The following TOE1 variants were observed in gnomAD, a reference collection of about 807,000 sequenced individuals.
TOE1 encodes the protein target of EGR1, exonuclease.
Under a neutral mutation model 49.2 loss-of-function variants are expected in TOE1, and 50 were observed. That is an observed-to-expected ratio of 1.02 (90% confidence interval 0.81 to 1.29). The LOEUF (loss-of-function observed/expected upper bound fraction) is 1.29. TOE1 is among the 50% of genes most tolerant of loss of function. The pLI, the probability that TOE1 is intolerant of heterozygous loss-of-function variation, is 0.00. For synonymous variants in TOE1, 221 were observed against 247.0 expected (o/e 0.89, Z 0.99); for missense variants, 544 against 654.4 (o/e 0.83, Z 1.84).
chr1:45,341,376 C>T lies in TOE1; in HGVS notation c.236+33C>T, dbSNP rs1450440105. On this transcript the variant is annotated intron_variant, in intron 3 of 7. Transcript: ENST00000372090. ...TAAGCCCTTTTCTCTTTAGTGCCAG[C>T]CCTCAACTGTGGAGTGGGGGGGTCA... The T allele has an allele frequency of 6.2e-6, 10 of 1,613,998 alleles. 1 individual carries two copies. In the South Asian group the frequency reaches 8.8e-5, roughly 14 times the overall value.
At position 45,343,792 on chromosome 1, in the gene TOE1, G is replaced by A; in HGVS notation, c.*90G>A. On this transcript the variant is annotated 3_prime_UTR_variant, in exon 8 of 8. Coordinates refer to ENST00000372090, the MANE Select transcript of TOE1 (RefSeq NM_025077.4). The surrounding 1 kb of genome is among the most constrained non-coding windows in gnomAD (Gnocchi z 4.3). ...ATCCTCAACTGCTACTGAGTTTAGG[G>A]GAGGGGGAATGTCTTGACAGACATC... The A allele has an allele frequency of 6.9e-7, 1 of 1,445,648 alleles. No individual in the cohort carries two copies. The highest frequency in any genetic ancestry group is 1.8e-4 in the Middle Eastern group (1 of 5,498). The allele number at this position is 1,445,648 out of a possible 1,614,324, so 89.6% of individuals were successfully genotyped here. A position where few individuals can be genotyped will look rare whatever the true frequency, so the allele number is the denominator to read the frequency against.
At chr1:45,341,012 G>A (rs753948475) in intron 1 of TOE1, 61 bp from the exon 2 acceptor site, 7 of 1,608,366 alleles carry the variant, frequency 4.4e-6, no homozygotes, top group South Asian at 3.3e-5. Flanking sequence ...GCCTAGCTTG[G>A]TGTCTGTTCC....
intron 1 of TOE1, among the ~76,000 whole-genome samples, chr1:45,340,728 G>A (rs1203388925): frequency 6.6e-6 from 1 of 152,146 alleles, no homozygotes; most frequent in Non-Finnish European, 1.5e-5. Flanking sequence ...GATATTAAGG[G>A]AGCTGAGATC....
rs148784816 is a variant in TOE1 at position 45,341,497 on chromosome 1, C to G, written c.261C>G (p.Ala87=). The G allele has an allele frequency of 3.1e-6, 5 of 1,613,896 alleles. No homozygotes were observed. The highest frequency in any genetic ancestry group is 4.2e-6 in the Non-Finnish European group (5 of 1,180,028). Residue 87 remains alanine, a synonymous_variant, in exon 4 of 8, where the codon GCC becomes GCG. Coordinates refer to ENST00000372090, the MANE Select transcript of TOE1 (RefSeq NM_025077.4). ...LNQCIEERYK[A]VCHAARTRSI... ...GGTGCATTGAGGAACGTTACAAGGC[C>G]GTGTGTCATGCTGCCAGGACCCGTT...
chr1:45,341,382 A>G (rs78721118), intron 3 of TOE1, 39 bp downstream of exon 3: 4 of 1,614,054 alleles, frequency 2.5e-6, no homozygotes, highest in Admixed American at 1.7e-5. Flanking sequence ...CCAGCCCTCA[A>G]CTGTGGAGTG....
At chr1:45,341,745 T>C (rs1441693244) in intron 4 of TOE1, among the ~76,000 whole-genome samples, 176 bp downstream of exon 4, 1 of 151,806 alleles carries the variant, frequency 6.6e-6, no homozygotes, top group African/African-American at 2.4e-5. Flanking sequence ...GTTAAATGAG[T>C]AAGTTCTTTA....
Position 45,343,325 on chromosome 1 carries a change from G to A in TOE1, c.1156G>A (p.Ala386Thr). 1 of 1,614,092 alleles carries A rather than the reference G, an allele frequency of 6.2e-7. No homozygotes were observed. Among genetic ancestry groups the A allele is most frequent in the Non-Finnish European group, 8.5e-7 (1 of 1,180,028 alleles). The change falls in exon 8 of 8, where the codon GCC (alanine) becomes ACC (threonine). Residue 386 changes from alanine (A) to threonine (T), a missense_variant. Ala to Thr is a moderately conservative substitution (Grantham distance 58). Coordinates refer to ENST00000372090, the MANE Select transcript of TOE1 (RefSeq NM_025077.4). This position sits in a 1 kb window ranked among gnomAD's most constrained non-coding sequence, Gnocchi z 4.3. ...KPEETEQEVA[A>T]DETRNLPHSK... The stretch of plus-strand genomic sequence containing the variant: ...TGAAGAAACCGAGCAGGAGGTGGCT[G>A]CCGATGAAACTAGGAACCTGCCTCA...
chr1:45,342,665 A>T, intron 6 of TOE1, 22 bp downstream of exon 6: 2 of 1,612,390 alleles, frequency 1.2e-6, no homozygotes, highest in East Asian at 2.2e-5. Context: ...GTTGAGGGAA[A>T]GGGGTGGGGC....
chr1:45,343,188 G>C lies in TOE1; in HGVS notation c.1019G>C (p.Arg340Pro). ...AAAEDKRRRR[R>P]RREKRKRALL... ...GCAGAGGACAAGCGGCGACGGCGAC[G>C]ACGTAGGGAAAAACGGAAGAGGGCT... The change falls in exon 8 of 8, where the codon CGA (arginine) becomes CCA (proline). Residue 340 changes from arginine to proline, a missense_variant. Transcript: ENST00000372090. This position sits in a 1 kb window ranked among gnomAD's most constrained non-coding sequence, Gnocchi z 4.3. The C allele has an allele frequency of 6.2e-7, 1 of 1,613,910 alleles. No homozygotes were observed. The highest frequency in any genetic ancestry group is 8.5e-7 in the Non-Finnish European group (1 of 1,180,000).
In TOE1 at chr1:45,341,562, C is replaced by T. The variant is rs1199296680; in HGVS notation, c.326C>T (p.Pro109Leu). ...GGCCTCGCCTGCTTCAAGCGGCAGC[C>T]AGACAAGGTATGAGCTGATCTCACC... is the stretch of plus-strand genomic sequence containing the variant. ...SLGLACFKRQPDKGEHSYLAQ... is the reference protein window; with the variant it reads ...SLGLACFKRQLDKGEHSYLAQ... Residue 109 changes from proline to leucine, a missense_variant, in exon 4 of 8, where the codon CCA becomes CTA. Coordinates refer to ENST00000372090, the MANE Select transcript of TOE1 (RefSeq NM_025077.4). 1 of 1,613,178 alleles carries T rather than the reference C, an allele frequency of 6.2e-7. No homozygotes were observed. The highest frequency in any genetic ancestry group is 8.5e-7 in the Non-Finnish European group (1 of 1,179,672).
At position 45,343,283 on chromosome 1, in the gene TOE1, G is replaced by T. The variant is rs762923029; in HGVS notation, c.1114G>T (p.Gly372Trp). Residue 372 changes from glycine to tryptophan, a missense_variant, in exon 8 of 8, where the codon GGG (glycine) becomes TGG (tryptophan). By Grantham distance (184) the Gly-to-Trp change is radical. Transcript: ENST00000372090. The surrounding 1 kb of genome is among the most constrained non-coding windows in gnomAD (Gnocchi z 4.3). ...TGGTCCTCCCAAGAAGCAGGTCTGT[G>T]GGGATAGCATCAAGCCTGAAGAAAC... ...KDGPPKKQVC[G>W]DSIKPEETEQ... The T allele has an allele frequency of 1.9e-6, 3 of 1,614,088 alleles. No homozygotes were observed. The East Asian group carries it at 6.7e-5, about 36-fold the overall frequency.
chr1:45,341,286 C>T lies in TOE1; in HGVS notation c.196-17C>T, dbSNP rs1474070752. Reference sequence around the variant, plus strand: ...GTGCTAGAGGCCTGTCACAACTCTCCCTTTACCTACCCACAGGAGCTGAGT... The same window carrying T: ...GTGCTAGAGGCCTGTCACAACTCTCTCTTTACCTACCCACAGGAGCTGAGT... On this transcript the variant is annotated splice_polypyrimidine_tract_variant and intron_variant, in intron 2 of 7. Transcript: ENST00000372090. 6.2e-7 allele frequency: 1 copy of T among 1,613,992 alleles called. No individual in the cohort carries two copies. The highest frequency in any genetic ancestry group is 2.2e-5 in the East Asian group (1 of 44,898).
In TOE1 at chr1:45,341,066, C is replaced by T. The variant is rs1278500167; in HGVS notation, c.53-7C>T. On this transcript the variant is annotated splice_polypyrimidine_tract_variant and splice_region_variant and intron_variant, in intron 1 of 7. Transcript: ENST00000372090. The stretch of plus-strand genomic sequence containing the variant: ...GCATGAACATCCATCACCCTCCTAA[C>T]CCCCAGGTGGTGTCAGCAAAAGCAC... 6.2e-7 allele frequency: 1 copy of T among 1,614,072 alleles called. No homozygotes were observed. The highest frequency in any genetic ancestry group is 8.5e-7 in the Non-Finnish European group (1 of 1,180,030).
chr1:45,340,437 C>T, intron 1 of TOE1, 133 bp downstream of exon 1: 1 of 1,513,802 alleles, frequency 6.6e-7, no homozygotes, highest in Non-Finnish European at 8.8e-7. Flanking sequence ...CACGAGGAGA[C>T]TACAAGTTCC....
chr1:45,341,325 G>C lies in TOE1; in HGVS notation c.218G>C (p.Arg73Thr). Residue 73 changes from arginine (R) to threonine (T), a missense_variant, in exon 3 of 8, where the codon AGG becomes ACG. Transcript: ENST00000372090. ...CAGGAGCTGAGTGGGCTTGGGGACA[G>C]GAAGAGTTTGCTGAACCAGTAAGTA... ...VDTELSGLGD[R>T]KSLLNQCIEE... 1 of 1,614,160 alleles carries C rather than the reference G, an allele frequency of 6.2e-7. No individual in the cohort carries two copies. The highest frequency in any genetic ancestry group is 8.5e-7 in the Non-Finnish European group (1 of 1,180,032).
rs533908646 is a variant in TOE1 at position 45,340,354 on chromosome 1, G to C, written c.52+50G>C. 4.4e-6 allele frequency: 7 copies of C among 1,584,226 alleles called. No individual in the cohort carries two copies. The African/African-American group carries it at 9.4e-5, about 21-fold the overall frequency. On this transcript the variant is annotated intron_variant, in intron 1 of 7. Transcript: ENST00000372090. ...TTCAAAGCCTCTGCGCTCTGGGAGAGGGGAAGGCCTCGGGCTCATAGTTCT... is the reference window on the plus strand; with the variant it reads ...TTCAAAGCCTCTGCGCTCTGGGAGACGGGAAGGCCTCGGGCTCATAGTTCT...
chr1:45,342,151 A>G, intron 5 of TOE1, 44 bp downstream of exon 5: 1 of 1,605,456 alleles, frequency 6.2e-7, no homozygotes, highest in South Asian at 1.1e-5. Flanking sequence ...CCTTTCTGTG[A>G]CTTTATTTCT....
intron 3 of TOE1, 35 bp from the exon 4 acceptor site, chr1:45,341,435 AACT>A (rs1222179809): frequency 6.2e-7 from 1 of 1,613,972 alleles, no homozygotes; most frequent in Admixed American, 1.7e-5. Flanking sequence ...TCATAAGGCT[AACT>A]CCTAGCCACA....
chr1:45,341,495 G>A lies in TOE1; in HGVS notation c.259G>A (p.Ala87Thr), dbSNP rs1228695897. 2.5e-6 allele frequency: 4 copies of A among 1,614,060 alleles called. No homozygotes were observed. Among genetic ancestry groups the A allele is most frequent in the Non-Finnish European group, 3.4e-6 (4 of 1,180,030 alleles). The part of the protein sequence containing the change: ...LNQCIEERYK[A>T]VCHAARTRSI... ...AAGGTGCATTGAGGAACGTTACAAG[G>A]CCGTGTGTCATGCTGCCAGGACCCG... The change falls in exon 4 of 8, where the codon GCC (alanine) becomes ACC (threonine). Residue 87 changes from alanine (A) to threonine (T), a missense_variant. By Grantham distance (58) the Ala-to-Thr change is moderately conservative (BLOSUM62 0). Coordinates refer to ENST00000372090, the MANE Select transcript of TOE1 (RefSeq NM_025077.4).
Sources: gnomAD v4.1 joint callset for allele counts (sites outside exome capture counted in the v4.1 genomes callset) on GRCh38, gnomAD v4.1.1 for gene constraint, Gnocchi (gnomAD v3.1) non-coding constraint, MANE v1.5 for transcripts, NCBI Gene and HGNC (gene_info 2026-07-23, HGNC 2026-07-21) for gene names.